Variants in ATRNL1 observed in about 807,000 individuals in gnomAD.
The protein encoded by ATRNL1 is attractin like 1.
ATRNL1 carries 95 observed loss-of-function variants against 182.7 expected under a neutral mutation model. That is an observed-to-expected ratio of 0.52 (90% CI 0.44 to 0.62). ATRNL1 has a LOEUF of 0.62. Among genes scored for constraint, ATRNL1 ranks in the 20% least tolerant of loss-of-function variants. The pLI is 0.00. For missense variants in ATRNL1, 1,471 were observed against 1,679.5 expected, an observed-to-expected ratio of 0.88 and a Z score of 2.17; for synonymous variants, 576 against 568.3, an observed-to-expected ratio of 1.01 and a Z score of -0.19.
rs186152580 is a variant in ATRNL1 at position 115,708,431 on chromosome 10, A to G, written c.3796-18817A>G. On this transcript the variant is annotated intron_variant, in intron 26 of 28. Transcript: ENST00000355044. ...TCACTTTAAAAAGTGTGATCTTCCT[A>G]AGGGGAATTATTGTTTTAACAAAAT... Among the ~76,000 whole-genome samples, 685 of 151,824 alleles carry G rather than the reference A, an allele frequency of 4.5e-3. 8 individuals carry two copies. The highest frequency in any genetic ancestry group is 4.3e-3 in the Non-Finnish European group (290 of 67,708).
rs536024948 is a variant in ATRNL1 at position 115,594,821 on chromosome 10, C to G, written c.3795+45285C>G. 2.6e-5 allele frequency among the ~76,000 whole-genome samples: 4 copies of G among 152,256 alleles called. No homozygotes were observed. The South Asian group carries it at 8.3e-4, about 32-fold the overall frequency. On this transcript the variant is annotated intron_variant, in intron 26 of 28. Coordinates refer to ENST00000355044, the MANE Select transcript of ATRNL1 (RefSeq NM_207303.4). ...TGCCAGGCCAGTAACATTATTTCCA[C>G]TAAATTCTCTAGGTCTCTAAAGAGA... is the stretch of plus-strand genomic sequence containing the variant.
At chr10:115,702,346 T>G (rs1021301017) in intron 26 of ATRNL1, among the ~76,000 whole-genome samples, 17 of 152,022 alleles carry the variant, frequency 1.1e-4, no homozygotes, top group African/African-American at 4.1e-4. Context: ...GCTTTTCCCT[T>G]GATAATTGGA....
chr10:115,818,185 GTTTTTT>G (rs3027964), intron 27 of ATRNL1, among the ~76,000 whole-genome samples: 2 of 130,680 alleles, frequency 1.5e-5, no homozygotes, highest in African/African-American at 2.7e-5. Flanking sequence ...ATTTGATTCC[GTTTTTT>G]TTTTTTTTTT....
intron 20 of ATRNL1, among the ~76,000 whole-genome samples, chr10:115,396,764 TGA>T (rs1844309981): frequency 1.3e-5 from 2 of 152,078 alleles, no homozygotes; most frequent in South Asian, 4.1e-4. Flanking sequence ...AATAGTTCTT[TGA>T]TACAGTATTG....
chr10:115,222,840 G>A (rs1849522354), intron 9 of ATRNL1, among the ~76,000 whole-genome samples: 1 of 152,076 alleles, frequency 6.6e-6, no homozygotes, highest in Non-Finnish European at 1.5e-5. Context: ...CCCAGATACT[G>A]GATGGAATGT....
At chr10:115,435,195 A>G (rs1431072457) in intron 21 of ATRNL1, among the ~76,000 whole-genome samples, 5 of 151,730 alleles carry the variant, frequency 3.3e-5, no homozygotes, top group South Asian at 2.1e-4. Context: ...TTGTTTTTGT[A>G]TTTTTAGTAG....
In ATRNL1 at chr10:115,228,893, G is replaced by A. The variant is rs957400832; in HGVS notation, c.1533-12678G>A. Among the ~76,000 whole-genome samples, 5 of 151,226 alleles carry A rather than the reference G, an allele frequency of 3.3e-5. No homozygotes were observed. The East Asian group carries it at 9.8e-4, about 30-fold the overall frequency. On this transcript the variant is annotated intron_variant, in intron 9 of 28. Transcript: ENST00000355044. ...TGATTCTCTTGCCTTGGCCTCCTGA[G>A]TAGCTGGGATTACAGGCACCTGACA...
chr10:115,307,918 A>T (rs182417457), intron 17 of ATRNL1, among the ~76,000 whole-genome samples: 34 of 129,064 alleles, frequency 2.6e-4, no homozygotes, highest in African/African-American at 8.3e-4. Flanking sequence ...GATAAATTAT[A>T]TATATTTACA....
At chr10:115,490,673 A>G (rs1211192493) in intron 24 of ATRNL1, among the ~76,000 whole-genome samples, 1 of 151,966 alleles carries the variant, frequency 6.6e-6, no homozygotes, top group Non-Finnish European at 1.5e-5. Flanking sequence ...ATGCTCCTCC[A>G]TGCTCCTTTA....
At chr10:115,154,238 G>C (rs1205983739) in intron 5 of ATRNL1, among the ~76,000 whole-genome samples, 1 of 151,440 alleles carries the variant, frequency 6.6e-6, no homozygotes, top group Non-Finnish European at 1.5e-5. Flanking sequence ...GCTTGGTGCA[G>C]AGCTGAGTTC....
At chr10:115,605,584 A>C (rs563946504) in intron 26 of ATRNL1, among the ~76,000 whole-genome samples, 20 of 152,184 alleles carry the variant, frequency 1.3e-4, no homozygotes, top group African/African-American at 4.6e-4. Context: ...AACTTACAGT[A>C]TTTTCAATTT....
At chr10:115,441,782 C>G (rs782453854) in intron 21 of ATRNL1, among the ~76,000 whole-genome samples, 2 of 151,908 alleles carry the variant, frequency 1.3e-5, no homozygotes, top group Non-Finnish European at 2.9e-5. Flanking sequence ...TACATAATGC[C>G]TATATACTTG....
chr10:115,738,178 G>A (rs542234105), intron 27 of ATRNL1, among the ~76,000 whole-genome samples: 5 of 102,446 alleles, frequency 4.9e-5, no homozygotes, highest in East Asian at 3.4e-4. Flanking sequence ...CTGCTCTGTC[G>A]CCCAGGCTGG....
At chr10:115,616,488 A>G in intron 26 of ATRNL1, among the ~76,000 whole-genome samples, 1 of 152,200 alleles carries the variant, frequency 6.6e-6, no homozygotes. Flanking sequence ...AGAAGTAAAG[A>G]GGAGCCAAGT....
chr10:115,213,764 T>C (rs1484431238), intron 8 of ATRNL1, among the ~76,000 whole-genome samples: 2 of 152,114 alleles, frequency 1.3e-5, no homozygotes, highest in Non-Finnish European at 2.9e-5. Context: ...CCTCCAAAGA[T>C]TATTATTAAA....
At chr10:115,150,966 G>A (rs905304201) in intron 5 of ATRNL1, among the ~76,000 whole-genome samples, 23 of 152,232 alleles carry the variant, frequency 1.5e-4, no homozygotes, top group Middle Eastern at 3.4e-3. Context: ...GTGAGAACAC[G>A]CAGTGTTTGG....
intron 28 of ATRNL1, among the ~76,000 whole-genome samples, chr10:115,918,396 T>C (rs2620958): frequency 0.99 from 150,296 of 152,280 alleles, 74,200 homozygotes; most frequent in Middle Eastern, 1. Flanking sequence ...AGCCACCGCG[T>C]CCGGCCTTTT....
At chr10:115,653,037 C>G (rs1437903511) in intron 26 of ATRNL1, among the ~76,000 whole-genome samples, 4 of 151,928 alleles carry the variant, frequency 2.6e-5, no homozygotes, top group Non-Finnish European at 5.9e-5. Context: ...ATAATTACAA[C>G]TCTTAAACTG....
chr10:115,900,912 T>C (rs1589666454), intron 28 of ATRNL1, among the ~76,000 whole-genome samples: 1 of 152,332 alleles, frequency 6.6e-6, no homozygotes, highest in South Asian at 2.1e-4. Context: ...TCAGTAAATA[T>C]GTGAATAGTA....
Sources: gnomAD v4.1 joint callset for allele counts (sites outside exome capture counted in the v4.1 genomes callset) on GRCh38, gnomAD v4.1.1 for gene constraint, MANE v1.5 for transcripts, NCBI Gene and HGNC (gene_info 2026-07-23, HGNC 2026-07-21) for gene names.